Variants in RAB33A observed in about 807,000 individuals in gnomAD.
RAB33A encodes RAB33A, member RAS oncogene family, also known as ras-related protein Rab-33A.
RAB33A carries 6 observed loss-of-function variants against 12.0 expected under a neutral mutation model. The observed-to-expected ratio is 0.50, with a 90% CI of 0.27 to 0.99. RAB33A has a LOEUF of 0.99. Ranked by LOEUF, RAB33A falls within the 50% of genes least tolerant of loss-of-function variation. RAB33A has a pLI of 0.11. For synonymous variants in RAB33A, 70 were observed against 82.4 expected, an observed-to-expected ratio of 0.85 and a Z score of 0.81; for missense variants, 109 against 192.0, an observed-to-expected ratio of 0.57 and a Z score of 2.55.
upstream of RAB33A, chrX:130,171,783 A>T (rs2031609014): frequency 1.1e-5 from 4 of 348,686 alleles, no homozygotes. Context: ...CGGCTCGTCC[A>T]CTCTCCTCCC....
chrX:130,172,347 G>A (rs747652184), intron 1 of RAB33A, 27 bp downstream of exon 1: 13 of 1,175,880 alleles, frequency 1.1e-5, no homozygotes, highest in Non-Finnish European at 5.7e-6. Context: ...GGTCCAGGAA[G>A]GGTGGGACCC....
chrX:130,119,205 G>A, the RAB33A span, among the ~76,000 whole-genome samples: 2 of 110,628 alleles, frequency 1.8e-5, no homozygotes, highest in Admixed American at 9.6e-5. Flanking sequence ...AGGGGCTTCG[G>A]TTCCTCCCAC....
At chrX:130,149,429 G>A in the RAB33A span, 1 of 1,090,755 alleles carries the variant, frequency 9.2e-7, no homozygotes, top group South Asian at 1.8e-5. Context: ...CTTTCCCTTT[G>A]TGAGTCTCAA....
upstream of RAB33A, among the ~76,000 whole-genome samples, chrX:130,167,964 G>A (rs1010659740): frequency 9.2e-6 from 1 of 109,218 alleles, no homozygotes; most frequent in Non-Finnish European, 1.9e-5. Context: ...ATTGCTTGAG[G>A]CCAGGAGTTC....
chrX:130,158,132 C>T, the RAB33A span, among the ~76,000 whole-genome samples: 5 of 99,153 alleles, frequency 5.0e-5, no homozygotes, highest in African/African-American at 1.9e-4. Context: ...GGCGTGGTGG[C>T]TTATGCCTAT....
chrX:130,149,944 G>A, the RAB33A span, among the ~76,000 whole-genome samples: 3 of 112,135 alleles, frequency 2.7e-5, no homozygotes, highest in African/African-American at 9.7e-5. Context: ...TTTGGACTAC[G>A]CTGGACACTA....
At chrX:130,137,477 C>A in the RAB33A span, 1 of 1,167,753 alleles carries the variant, frequency 8.6e-7, no homozygotes, top group Non-Finnish European at 1.1e-6. Context: ...TGCTTTGCAA[C>A]CTCTGAATAG....
chrX:130,122,727 C>T, the RAB33A span, among the ~76,000 whole-genome samples: 1 of 111,846 alleles, frequency 8.9e-6, no homozygotes, highest in African/African-American at 3.3e-5. Flanking sequence ...GATTGGGAGC[C>T]TGTAGGAATG....
chrX:130,178,801 A>G (rs1373980765), intron 1 of RAB33A, among the ~76,000 whole-genome samples: 1 of 108,189 alleles, frequency 9.2e-6, no homozygotes. Flanking sequence ...ACAGGCGTCC[A>G]CCACCACGCC....
At chrX:130,117,367 A>G in the RAB33A span, among the ~76,000 whole-genome samples, 3 of 112,358 alleles carry the variant, frequency 2.7e-5, no homozygotes, top group Non-Finnish European at 5.6e-5. Context: ...TGATGCCGAC[A>G]CAGGAGGCGC....
the RAB33A span, among the ~76,000 whole-genome samples, chrX:130,116,935 C>T: frequency 4.5e-5 from 5 of 112,114 alleles, no homozygotes; most frequent in East Asian, 2.8e-4. Flanking sequence ...ATACATTGGC[C>T]GGGTGCTGTG....
intron 1 of RAB33A, among the ~76,000 whole-genome samples, chrX:130,184,028 T>G (rs1456764452): frequency 8.9e-6 from 1 of 111,933 alleles, no homozygotes; most frequent in Non-Finnish European, 1.9e-5. Context: ...TAGCTGGGAT[T>G]ACAGGCATGC....
the RAB33A span, chrX:130,156,364 G>T: frequency 9.9e-4 from 1,105 of 1,120,738 alleles, 6 homozygotes; most frequent in African/African-American, 0.017. Context: ...AAAGGAGAAA[G>T]GGGAATTAGT....
At chrX:130,175,626 A>G (rs1381056851) in intron 1 of RAB33A, among the ~76,000 whole-genome samples, 1 of 107,793 alleles carries the variant, frequency 9.3e-6, no homozygotes, top group Non-Finnish European at 1.9e-5. Context: ...CCTCCTGAGT[A>G]GCTGGGATTA....
intron 1 of RAB33A, among the ~76,000 whole-genome samples, chrX:130,176,702 T>C (rs1192205408): frequency 8.9e-6 from 1 of 112,236 alleles, no homozygotes; most frequent in Non-Finnish European, 1.9e-5. Flanking sequence ...TTGCTGCTTC[T>C]TTCTGTGTGT....
the RAB33A span, among the ~76,000 whole-genome samples, chrX:130,113,302 C>T: frequency 9.2e-6 from 1 of 108,737 alleles, no homozygotes; most frequent in South Asian, 4.0e-4. Context: ...AGGATGGTCT[C>T]GATCTCCTGA....
chrX:130,138,220 C>T, the RAB33A span, among the ~76,000 whole-genome samples: 1 of 111,916 alleles, frequency 8.9e-6, no homozygotes, highest in Non-Finnish European at 1.9e-5. Flanking sequence ...AATCCCAGCA[C>T]TTTGGGAGGC....
At chrX:130,143,306 T>A in the RAB33A span, among the ~76,000 whole-genome samples, 1 of 112,167 alleles carries the variant, frequency 8.9e-6, no homozygotes, top group Non-Finnish European at 1.9e-5. Context: ...CACGCAGATA[T>A]TCCACTTCAT....
upstream of RAB33A, among the ~76,000 whole-genome samples, chrX:130,170,529 A>T (rs2031593657): frequency 8.9e-6 from 1 of 112,696 alleles, no homozygotes; most frequent in African/African-American, 3.2e-5. Flanking sequence ...TTGTACCCCC[A>T]GTAAAGTCGA....
Sources: gnomAD v4.1 joint callset for allele counts (sites outside exome capture counted in the v4.1 genomes callset) on GRCh38, gnomAD v4.1.1 for gene constraint, MANE v1.5 for transcripts, NCBI Gene and HGNC (gene_info 2026-07-23, HGNC 2026-07-21) for gene names.